BRD9: variants seen among roughly 807,000 people sequenced by gnomAD.
BRD9 encodes the protein bromodomain-containing protein 9.
A neutral mutation model predicts 68.7 loss-of-function variants in BRD9; 47 were observed. The observed-to-expected ratio is 0.68, with a 90% CI of 0.54 to 0.87. The LOEUF is 0.87. Ranked by LOEUF, BRD9 falls within the 40% of genes least tolerant of loss-of-function variation. The probability of loss-of-function intolerance (pLI) is 0.00; values close to 1 mark genes in which losing one functional copy is unlikely to be tolerated. For missense variants in BRD9, 670 were observed against 748.4 expected (o/e 0.90, Z 1.22); for synonymous variants, 313 against 293.9 (o/e 1.06, Z -0.67).
chr5:891,305 G>C lies in BRD9; in HGVS notation c.268-18C>G. On this transcript the variant is annotated intron_variant, in intron 2 of 15. Transcript: ENST00000467963. Reference sequence around the variant, plus strand: ...TTCTCTTCCTGGGCGGCAGAGTCAAGGGAGTGAGAAAGGCAGGAGTAGGCG... The same window carrying C: ...TTCTCTTCCTGGGCGGCAGAGTCAACGGAGTGAGAAAGGCAGGAGTAGGCG... 1 of 1,550,022 alleles carries C rather than the reference G, an allele frequency of 6.5e-7. No individual in the cohort carries two copies. Among genetic ancestry groups the C allele is most frequent in the East Asian group, 2.4e-5 (1 of 40,890 alleles).
chr5:865,792 G>C (rs556646075), intron 14 of BRD9: 9 of 537,792 alleles, frequency 1.7e-5, no homozygotes, highest in African/African-American at 1.5e-4. Flanking sequence ...CAGACACCCA[G>C]CGTCCTTTGC....
At chr5:892,531 C>A in intron 1 of BRD9, 75 bp downstream of exon 1, 1 of 1,507,736 alleles carries the variant, frequency 6.6e-7, no homozygotes. Context: ...CCAGGACCCC[C>A]GTCCGCGTGC....
intron 14 of BRD9, among the ~76,000 whole-genome samples, chr5:870,091 G>A (rs893680016): frequency 2.0e-5 from 3 of 152,228 alleles, no homozygotes; most frequent in African/African-American, 7.2e-5. Flanking sequence ...GGGGACCCGT[G>A]GGAAGGGGCT....
rs1261755604 is a variant in BRD9, at chr5:876,203, C to A, written c.1281G>T (p.Glu427Asp). 4 of 1,613,632 alleles carry A rather than the reference C, an allele frequency of 2.5e-6. No individual in the cohort carries two copies. The highest frequency in any genetic ancestry group is 1.7e-5 in the Admixed American group (1 of 59,998). Reference protein sequence around the residue: ...TGVQCALSLQEFVKDAGSYSK... With the variant: ...TGVQCALSLQDFVKDAGSYSK... The stretch of plus-strand genomic sequence containing the variant: ...TGTAGCTCCCAGCATCCTTCACAAA[C>A]TCCTGCAGGCTAGAGGGGCCGCGGG... Residue 427 changes from glutamate to aspartate, a missense_variant, in exon 12 of 16, where the codon GAG (glutamate) becomes GAT (aspartate). By Grantham distance (45) the Glu-to-Asp change is conservative. Coordinates refer to ENST00000467963, the MANE Select transcript of BRD9 (RefSeq NM_023924.5).
At chr5:870,760 G>A (rs1750023469) in intron 13 of BRD9, among the ~76,000 whole-genome samples, 185 bp from the exon 14 acceptor site, 1 of 152,210 alleles carries the variant, frequency 6.6e-6, no homozygotes, top group African/African-American at 2.4e-5. Flanking sequence ...TGGAGCTCAT[G>A]AATGGATATG....
Position 887,376 on chromosome 5 carries a change from A to C in BRD9, c.702T>G (p.Phe234Leu). ...KLAKKILHAG[F>L]KMMSKQAALL... ...AGTTTCTTACTTTGCTCATCATCTT[A>C]AAGCCTGCGTGAAGGATCTTCTTCG... Residue 234 changes from phenylalanine (F) to leucine (L), a missense_variant, in exon 6 of 16, where the codon TTT (phenylalanine) becomes TTG (leucine). Phe to Leu is a conservative substitution (Grantham distance 22). Coordinates refer to ENST00000467963, the MANE Select transcript of BRD9 (RefSeq NM_023924.5). 6.2e-7 allele frequency: 1 copy of C among 1,612,794 alleles called. No homozygotes were observed. Among genetic ancestry groups the C allele is most frequent in the Non-Finnish European group, 8.5e-7 (1 of 1,178,862 alleles).
At chr5:876,810 G>A (rs983308103) in intron 11 of BRD9, among the ~76,000 whole-genome samples, 2 of 152,210 alleles carry the variant, frequency 1.3e-5, no homozygotes, top group Non-Finnish European at 2.9e-5. Flanking sequence ...AACAAGGATG[G>A]CTGCTGGTCA....
At chr5:888,381 T>C (rs1415956337) in intron 5 of BRD9, 1 of 152,382 alleles carries the variant, frequency 6.6e-6, no homozygotes, top group Non-Finnish European at 1.5e-5. Context: ...AAGTCTGTTC[T>C]GTTGTGTTTC....
At chr5:877,565 C>T (rs1751135080) in intron 11 of BRD9, among the ~76,000 whole-genome samples, 2 of 152,154 alleles carry the variant, frequency 1.3e-5, no homozygotes, top group African/African-American at 4.8e-5. Context: ...TTAAAAACTG[C>T]CAAATTTTAC....
At chr5:880,890 C>A (rs1217702030) in intron 9 of BRD9, among the ~76,000 whole-genome samples, 1 of 152,224 alleles carries the variant, frequency 6.6e-6, no homozygotes, top group African/African-American at 2.4e-5. Context: ...CCCAAGGAGC[C>A]CTGACCGAGG....
At chr5:889,773 A>T (rs1212298380) in intron 3 of BRD9, 126 bp from the exon 4 acceptor site, 2 of 1,519,500 alleles carry the variant, frequency 1.3e-6, no homozygotes, top group Admixed American at 3.6e-5. Context: ...AGAACTGGGG[A>T]TATAAAGATA....
chr5:876,076 C>T (rs749682871), intron 12 of BRD9, 25 bp downstream of exon 12: 1 of 1,562,618 alleles, frequency 6.4e-7, no homozygotes, highest in Admixed American at 1.7e-5. Flanking sequence ...ACCTGCCCCC[C>T]AACCCCGGTG....
rs749768624 is a variant in BRD9, at chr5:891,133, G to A, written c.400+22C>T. Reference sequence around the variant, plus strand: ...ACGATGAGCTGTGAACACCAGGAGAGTCTCTAAAAGTGCACCCTTGCCTGG... The same window carrying A: ...ACGATGAGCTGTGAACACCAGGAGAATCTCTAAAAGTGCACCCTTGCCTGG... On this transcript the variant is annotated intron_variant, in intron 3 of 15. Transcript: ENST00000467963. 1.9e-6 allele frequency: 3 copies of A among 1,538,522 alleles called. No individual in the cohort carries two copies. In the Admixed American group the frequency reaches 6.0e-5, roughly 31 times the overall value.
At chr5:890,160 T>G (rs545484643) in intron 3 of BRD9, 69 of 207,166 alleles carry the variant, frequency 3.3e-4, no homozygotes, top group African/African-American at 1.6e-3. Context: ...GACACTGCAC[T>G]CCAGCCTAGG....
intron 5 of BRD9, among the ~76,000 whole-genome samples, chr5:888,082 C>T (rs1275404520): frequency 2.0e-5 from 3 of 152,204 alleles, no homozygotes; most frequent in Admixed American, 6.5e-5. Flanking sequence ...CCCCGGAGGC[C>T]GGCCACCCTA....
intron 15 of BRD9, 110 bp downstream of exon 15, chr5:865,304 A>C: frequency 7.2e-7 from 1 of 1,384,146 alleles, no homozygotes; most frequent in Middle Eastern, 2.7e-4. Context: ...ACCGCTGCCC[A>C]TGCAGCCTCC....
At chr5:882,542 C>T in intron 8 of BRD9, 1 of 160,942 alleles carries the variant, frequency 6.2e-6, no homozygotes, top group Non-Finnish European at 1.4e-5. Flanking sequence ...ACAAAAACCA[C>T]AACCTCCCAA....
intron 3 of BRD9, chr5:889,853 A>T: frequency 9.1e-7 from 1 of 1,103,768 alleles, no homozygotes; most frequent in Non-Finnish European, 1.3e-6. Context: ...CAGGAGTCAT[A>T]AAAATCTCTT....
rs1254502297 is a variant in BRD9 at position 891,139 on chromosome 5, A to G, written c.400+16T>C. 3 of 1,544,774 alleles carry G rather than the reference A, an allele frequency of 1.9e-6. No individual in the cohort carries two copies. The Admixed American group carries it at 5.9e-5, about 31-fold the overall frequency. On this transcript the variant is annotated intron_variant, in intron 3 of 15. Coordinates refer to ENST00000467963, the MANE Select transcript of BRD9 (RefSeq NM_023924.5). The stretch of plus-strand genomic sequence containing the variant: ...AGCTGTGAACACCAGGAGAGTCTCT[A>G]AAAGTGCACCCTTGCCTGGCTGTGT...
Sources: gnomAD v4.1 joint callset for allele counts (sites outside exome capture counted in the v4.1 genomes callset) on GRCh38, gnomAD v4.1.1 for gene constraint, MANE v1.5 for transcripts, NCBI Gene and HGNC (gene_info 2026-07-23, HGNC 2026-07-21) for gene names.